The following SLC22A25 variants were observed in gnomAD, a reference collection of about 807,000 sequenced individuals.
The protein encoded by SLC22A25 is MGI:2442751, MGI:2385316, MGI:3042283, MGI:3645714, MGI:3605624, MGI:2442750.
SLC22A25 carries 44 observed loss-of-function variants against 45.9 expected under a neutral mutation model. The observed-to-expected ratio is 0.96, with a 90% CI of 0.75 to 1.23. SLC22A25 has a LOEUF of 1.23. SLC22A25 is among the 50% of genes most tolerant of loss of function. The pLI is 0.00. For synonymous variants in SLC22A25, 283 were observed against 238.6 expected, an observed-to-expected ratio of 1.19 and a Z score of -1.72; for missense variants, 800 against 666.4, an observed-to-expected ratio of 1.20 and a Z score of -2.21.
At chr11:63,183,665 A>C in intron 8 of SLC22A25, 29 bp downstream of exon 8, 1 of 1,611,884 alleles carries the variant, frequency 6.2e-7, no homozygotes, top group Non-Finnish European at 8.5e-7. Context: ...TCTTCCCAGC[A>C]TCCCATATCC....
At chr11:63,170,613 AG>A (rs1178567185) in intron 9 of SLC22A25, among the ~76,000 whole-genome samples, 1 of 152,198 alleles carries the variant, frequency 6.6e-6, no homozygotes, top group Non-Finnish European at 1.5e-5. Flanking sequence ...AGACTAAACC[AG>A]GAAGAAGTTG....
intron 7 of SLC22A25, among the ~76,000 whole-genome samples, chr11:63,214,733 C>A: frequency 6.6e-6 from 1 of 151,176 alleles, no homozygotes; most frequent in African/African-American, 2.4e-5. Context: ...CTGCACAGAT[C>A]TCCCCCCACC....
intron 1 of SLC22A25, among the ~76,000 whole-genome samples, chr11:63,242,892 A>G (rs2090273325): frequency 6.6e-6 from 1 of 152,188 alleles, no homozygotes; most frequent in South Asian, 2.1e-4. Flanking sequence ...CTGCTCGCCC[A>G]CTGCCCAATC....
Position 63,204,549 on chromosome 11 carries a change from C to CA in SLC22A25, c.830+12764dup, listed in dbSNP as rs1434976473. On this transcript the variant is annotated intron_variant, in intron 7 of 11. Transcript: ENST00000306494. Reference sequence around the variant, plus strand: ...CTTCAGACTTTAAACCAAAAAAGATCAAAAAAGTCAAAGAAAGGCATTACA... The same window carrying CA: ...CTTCAGACTTTAAACCAAAAAAGATCAAAAAAAGTCAAAGAAAGGCATTACA... Among the ~76,000 whole-genome samples, 15 of 152,116 alleles carry CA rather than the reference C, an allele frequency of 9.9e-5. No individual in the cohort carries two copies. The South Asian group carries it at 3.1e-3, about 32-fold the overall frequency.
At chr11:63,209,735 A>G (rs2089507600) in intron 7 of SLC22A25, among the ~76,000 whole-genome samples, 2 of 152,174 alleles carry the variant, frequency 1.3e-5, no homozygotes, top group African/African-American at 4.8e-5. Context: ...CCTATACAGA[A>G]AAGCCTCAGG....
intron 3 of SLC22A25, among the ~76,000 whole-genome samples, chr11:63,232,758 T>C (rs191267785): frequency 3.9e-5 from 6 of 152,342 alleles, no homozygotes; most frequent in African/African-American, 1.2e-4. Context: ...CAGTGTGTTA[T>C]TCACTGTGGG....
At chr11:63,224,262 T>C (rs1206026127) in intron 5 of SLC22A25, among the ~76,000 whole-genome samples, 1 of 152,176 alleles carries the variant, frequency 6.6e-6, no homozygotes, top group East Asian at 1.9e-4. Context: ...AATCTTGCTC[T>C]TTTTTGGTTT....
chr11:63,235,702 TAG>T (rs1388133087), intron 3 of SLC22A25, among the ~76,000 whole-genome samples: 1 of 152,228 alleles, frequency 6.6e-6, no homozygotes, highest in East Asian at 1.9e-4. Context: ...TGCGTTCCTT[TAG>T]AGAGGAGAGG....
At chr11:63,193,320 A>G (rs976552070) in intron 7 of SLC22A25, among the ~76,000 whole-genome samples, 6 of 152,216 alleles carry the variant, frequency 3.9e-5, no homozygotes, top group African/African-American at 1.4e-4. Context: ...ATCTGAGAAC[A>G]GACAGTCTGC....
At chr11:63,235,481 T>C (rs916432869) in intron 3 of SLC22A25, among the ~76,000 whole-genome samples, 15 of 152,220 alleles carry the variant, frequency 9.9e-5, no homozygotes, top group Admixed American at 3.3e-4. Flanking sequence ...CTTGTGCCAT[T>C]GTTTTCGGCT....
At chr11:63,189,200 A>G (rs2088692818) in intron 7 of SLC22A25, among the ~76,000 whole-genome samples, 1 of 152,110 alleles carries the variant, frequency 6.6e-6, no homozygotes, top group Non-Finnish European at 1.5e-5. Flanking sequence ...CTAGGTCTCT[A>G]AGGACTAGTT....
At chr11:63,228,429 CT>C (rs1263624250) in intron 5 of SLC22A25, 31 bp downstream of exon 5, 3 of 1,472,792 alleles carry the variant, frequency 2.0e-6, no homozygotes, top group Non-Finnish European at 2.8e-6. Flanking sequence ...TGAAAATACC[CT>C]TGAAGAGAGC....
chr11:63,202,098 A>G (rs919096126), intron 7 of SLC22A25, among the ~76,000 whole-genome samples: 1 of 152,018 alleles, frequency 6.6e-6, no homozygotes, highest in African/African-American at 2.4e-5. Context: ...GCTGTGAGGG[A>G]CGGTGCATCT....
chr11:63,165,892 G>T (rs2087662556), intron 10 of SLC22A25, 152 bp downstream of exon 10: 1 of 994,190 alleles, frequency 1.0e-6, no homozygotes, highest in Non-Finnish European at 1.4e-6. Flanking sequence ...CTTCCGTGTG[G>T]CAAAATCTGT....
intron 3 of SLC22A25, among the ~76,000 whole-genome samples, chr11:63,234,159 G>A (rs1202706233): frequency 6.6e-6 from 1 of 152,194 alleles, no homozygotes; most frequent in Non-Finnish European, 1.5e-5. Flanking sequence ...AGGTCCGCTT[G>A]GTGCAGAGCT....
chr11:63,242,325 A>G (rs145688660), intron 1 of SLC22A25, among the ~76,000 whole-genome samples: 63 of 152,328 alleles, frequency 4.1e-4, no homozygotes, highest in African/African-American at 1.4e-3. Flanking sequence ...CAACAACTGT[A>G]TAGAATAACT....
Position 63,183,726 on chromosome 11 carries a change from T to C in SLC22A25, c.922A>G (p.Met308Val), listed in dbSNP as rs2088413560. Residue 308 changes from methionine to valine, a missense_variant, in exon 8 of 12, where the codon ATG becomes GTG. Met to Val is a conservative substitution (Grantham distance 21). Transcript: ENST00000306494. ...GTTAGGATGTCTTCAGCATTCTTCA[T>C]TCCATTCCTGTGTGCAGCTTTTCTA... ...ELRKAAHRNG[M>V]KNAEDILTME... The C allele has an allele frequency of 6.2e-7, 1 of 1,613,032 alleles. No individual in the cohort carries two copies. Among genetic ancestry groups the C allele is most frequent in the African/African-American group, 1.3e-5 (1 of 74,860 alleles).
chr11:63,205,257 G>C (rs2089366010), intron 7 of SLC22A25, among the ~76,000 whole-genome samples: 2 of 152,100 alleles, frequency 1.3e-5, no homozygotes, highest in Admixed American at 1.3e-4. Flanking sequence ...AAGAACTAGA[G>C]AAGTAAGAGT....
chr11:63,215,678 A>G (rs2089691388), intron 7 of SLC22A25, among the ~76,000 whole-genome samples: 1 of 152,138 alleles, frequency 6.6e-6, no homozygotes, highest in Admixed American at 6.5e-5. Flanking sequence ...ACAGGTAAAC[A>G]TGTATTATGG....
Sources: gnomAD v4.1 joint callset for allele counts (sites outside exome capture counted in the v4.1 genomes callset) on GRCh38, gnomAD v4.1.1 for gene constraint, MANE v1.5 for transcripts, NCBI Gene and HGNC (gene_info 2026-07-23, HGNC 2026-07-21) for gene names.